Variants in R3HCC1L observed in about 807,000 individuals in gnomAD.
The protein encoded by R3HCC1L is R3H domain and coiled-coil containing 1 like, also known as coiled-coil domain-containing protein R3HCC1L.
R3HCC1L carries 51 observed loss-of-function variants against 59.9 expected under a neutral mutation model. That is an observed-to-expected ratio of 0.85 (90% confidence interval 0.68 to 1.07). The LOEUF is 1.07. Among genes scored for constraint, R3HCC1L ranks in the 50% least tolerant of loss-of-function variants. The pLI, the probability that R3HCC1L is intolerant of heterozygous loss-of-function variation, is 0.00. For missense variants in R3HCC1L, 965 were observed against 933.0 expected, an observed-to-expected ratio of 1.03 and a Z score of -0.45; for synonymous variants, 322 against 315.2, an observed-to-expected ratio of 1.02 and a Z score of -0.23.
chr10:98,211,130 G>C (rs1431980937), intron 5 of R3HCC1L, among the ~76,000 whole-genome samples: 1 of 152,098 alleles, frequency 6.6e-6, no homozygotes, highest in South Asian at 2.1e-4. Flanking sequence ...TGAGCCCCTT[G>C]AATTACATGC....
At chr10:98,186,388 A>G in intron 4 of R3HCC1L, 1 of 568,152 alleles carries the variant, frequency 1.8e-6, no homozygotes, top group Non-Finnish European at 2.2e-6. Context: ...ATAGCATACA[A>G]TTGATCTTCT....
intron 1 of R3HCC1L, among the ~76,000 whole-genome samples, chr10:98,146,133 G>T (rs891137275): frequency 2.6e-5 from 4 of 151,562 alleles, no homozygotes; most frequent in Admixed American, 1.3e-4. Context: ...AATAATTATT[G>T]TGATTGTTGG....
rs918629656 is a variant in R3HCC1L at position 98,235,938 on chromosome 10, T to G, written c.2129-86T>G. ...ATGCAGCCCTTGTTAGTCTATTTTG[T>G]ATGTTAATTACTGAGTTAAATCACT... On this transcript the variant is annotated intron_variant, in intron 8 of 9. Transcript: ENST00000298999. 4 of 1,406,996 alleles carry G rather than the reference T, an allele frequency of 2.8e-6. No homozygotes were observed. The Admixed American group carries it at 6.5e-5, about 23-fold the overall frequency. 87.2% of individuals were successfully genotyped at this position (1,406,996 alleles called of 1,614,324 possible). A position where few individuals can be genotyped will look rare whatever the true frequency, so the allele number is the denominator to read the frequency against.
chr10:98,208,191 G>A lies in R3HCC1L; in HGVS notation c.77G>A (p.Arg26Lys). 6.2e-7 allele frequency: 1 copy of A among 1,614,054 alleles called. No homozygotes were observed. Among genetic ancestry groups the A allele is most frequent in the Non-Finnish European group, 8.5e-7 (1 of 1,180,008 alleles). ...DMALYVPKARRGAVLLKTGDE... is the reference protein window; with the variant it reads ...DMALYVPKARKGAVLLKTGDE... ...GCACTTTATGTACCTAAAGCTCGTA[G>A]GGGTGCAGTACTCCTTAAGACAGGT... Residue 26 changes from arginine to lysine, a missense_variant, in exon 5 of 10, where the codon AGG becomes AAG. By Grantham distance (26) the Arg-to-Lys change is conservative (BLOSUM62 2). Coordinates refer to ENST00000298999, the MANE Select transcript of R3HCC1L (RefSeq NM_001351015.2).
Position 98,209,799 on chromosome 10 carries a change from C to G in R3HCC1L, c.1685C>G (p.Thr562Ser). Residue 562 changes from threonine (T) to serine (S), a missense_variant, in exon 5 of 10, where the codon ACT becomes AGT. Thr to Ser is a moderately conservative substitution (Grantham distance 58). Coordinates refer to ENST00000298999, the MANE Select transcript of R3HCC1L (RefSeq NM_001351015.2). ...SMETSIEPKA[T>S]ETSHTEGITA... ...GAAACATCCATCGAACCAAAAGCAA[C>G]TGAAACTTCTCACACAGAGGGAATT... 6.2e-7 allele frequency: 1 copy of G among 1,613,898 alleles called. No homozygotes were observed. The highest frequency in any genetic ancestry group is 8.5e-7 in the Non-Finnish European group (1 of 1,179,854).
chr10:98,163,381 T>C lies in R3HCC1L; in HGVS notation c.-31T>C. The C allele has an allele frequency of 7.5e-7, 1 of 1,336,418 alleles. No homozygotes were observed. The allele number at this position is 1,336,418 out of a possible 1,614,324, so 82.8% of individuals were successfully genotyped here. On this transcript the variant is annotated 5_prime_UTR_variant, in exon 4 of 10. Transcript: ENST00000298999. ...TTGTAGAGTTTTATTACTAAGAAAA[T>C]AAATGTTACTTACATGGTAAGTTGC...
In R3HCC1L at chr10:98,236,159, C is replaced by T. The variant is rs757996838; in HGVS notation, c.2264C>T (p.Ala755Val). The T allele has an allele frequency of 1.2e-5, 19 of 1,613,474 alleles. No individual in the cohort carries two copies. Among genetic ancestry groups the T allele is most frequent in the Admixed American group, 5.0e-5 (3 of 59,910 alleles). The change falls in exon 9 of 10, where the codon GCC (alanine) becomes GTC (valine). Residue 755 changes from alanine to valine, a missense_variant. Coordinates refer to ENST00000298999, the MANE Select transcript of R3HCC1L (RefSeq NM_001351015.2). The part of the protein sequence containing the change: ...REAELKKLQE[A>V]RERKRLEAKQ... ...GCAGAGCTCAAGAAACTGCAAGAAG[C>T]CAGAGGTGAGCTGAAAGGGTGGTGT...
intron 1 of R3HCC1L, among the ~76,000 whole-genome samples, chr10:98,149,138 C>T (rs1407539306): frequency 6.6e-6 from 1 of 152,062 alleles, no homozygotes; most frequent in Non-Finnish European, 1.5e-5. Flanking sequence ...TCCAGGTTTT[C>T]CAATTTGTTG....
intron 5 of R3HCC1L, among the ~76,000 whole-genome samples, chr10:98,228,416 T>C (rs1855940778): frequency 6.6e-6 from 1 of 152,220 alleles, no homozygotes; most frequent in Admixed American, 6.5e-5. Context: ...CTTCGCCCAC[T>C]TGTTGATGGG....
intron 4 of R3HCC1L, among the ~76,000 whole-genome samples, chr10:98,171,498 A>G (rs1277461020): frequency 6.6e-6 from 1 of 152,210 alleles, no homozygotes; most frequent in Admixed American, 6.5e-5. Context: ...AAAGACAGTT[A>G]CTGCTCCACC....
At chr10:98,205,806 C>G in intron 4 of R3HCC1L, among the ~76,000 whole-genome samples, 1 of 152,042 alleles carries the variant, frequency 6.6e-6, no homozygotes, top group Non-Finnish European at 1.5e-5. Flanking sequence ...TAATTTGAAG[C>G]CTTTGATAGG....
chr10:98,214,142 A>C (rs184798524), intron 5 of R3HCC1L, among the ~76,000 whole-genome samples: 17 of 152,310 alleles, frequency 1.1e-4, no homozygotes, highest in African/African-American at 3.1e-4. Flanking sequence ...TTTTCCTCAG[A>C]ATCAGTATAG....
rs149555326 is a variant in R3HCC1L at position 98,174,716 on chromosome 10, A to C, written c.-15+11319A>C. ...CTTTGTGTCTGAGAATGATAGAAGT[A>C]TTATTGAAATTGTAGATTGACACCA... is the stretch of plus-strand genomic sequence containing the variant. On this transcript the variant is annotated intron_variant, in intron 4 of 9. Coordinates refer to ENST00000298999, the MANE Select transcript of R3HCC1L (RefSeq NM_001351015.2). The C allele has an allele frequency of 4.5e-5, 44 of 984,244 alleles. 1 individual carries two copies. In the East Asian group the frequency reaches 1.8e-3, roughly 41 times the overall value. The allele number at this position is 984,244 out of a possible 1,614,324, so 61.0% of individuals were successfully genotyped here.
intron 5 of R3HCC1L, among the ~76,000 whole-genome samples, chr10:98,216,567 C>T (rs138824193): frequency 5.8e-4 from 88 of 151,914 alleles, no homozygotes; most frequent in Middle Eastern, 3.4e-3. Flanking sequence ...TTTTTTTGTT[C>T]GTCTGTTTTT....
intron 5 of R3HCC1L, among the ~76,000 whole-genome samples, chr10:98,219,272 G>A (rs1590762028): frequency 6.6e-6 from 1 of 152,062 alleles, no homozygotes; most frequent in African/African-American, 2.4e-5. Context: ...CCCCCGCTTT[G>A]CTTTTAGTTT....
chr10:98,231,730 A>G, intron 6 of R3HCC1L, 43 bp downstream of exon 6: 1 of 1,484,882 alleles, frequency 6.7e-7, no homozygotes, highest in Admixed American at 2.4e-5. Context: ...GGGTGAGATG[A>G]AGTCTTTAAA....
intron 4 of R3HCC1L, among the ~76,000 whole-genome samples, chr10:98,198,393 C>T (rs915905371): frequency 6.6e-6 from 1 of 152,004 alleles, no homozygotes; most frequent in Admixed American, 6.6e-5. Context: ...TAGGACATCT[C>T]TTAGTTTTGC....
chr10:98,168,788 T>C (rs1188470956), intron 4 of R3HCC1L, among the ~76,000 whole-genome samples: 1 of 152,250 alleles, frequency 6.6e-6, no homozygotes, highest in African/African-American at 2.4e-5. Context: ...GAACGTATAC[T>C]CTACATTCTA....
At chr10:98,229,016 G>T (rs557338945) in intron 5 of R3HCC1L, among the ~76,000 whole-genome samples, 1 of 152,018 alleles carries the variant, frequency 6.6e-6, no homozygotes, top group Non-Finnish European at 1.5e-5. Flanking sequence ...GTCAGGTAGT[G>T]TGATGCCTCC....
Sources: gnomAD v4.1 joint callset for allele counts (sites outside exome capture counted in the v4.1 genomes callset) on GRCh38, gnomAD v4.1.1 for gene constraint, MANE v1.5 for transcripts, NCBI Gene and HGNC (gene_info 2026-07-23, HGNC 2026-07-21) for gene names.